RPH3A: variants seen among roughly 807,000 people sequenced by gnomAD.
RPH3A encodes rabphilin-3A.
A neutral mutation model predicts 102.2 loss-of-function variants in RPH3A; 48 were observed. That is an observed-to-expected ratio of 0.47 (90% confidence interval 0.37 to 0.60). The LOEUF (loss-of-function observed/expected upper bound fraction) is 0.60. RPH3A is among the 20% of genes least tolerant of loss of function. The pLI is 0.00. For missense variants in RPH3A, 781 were observed against 910.1 expected, an observed-to-expected ratio of 0.86 and a Z score of 1.83; for synonymous variants, 310 against 324.3, an observed-to-expected ratio of 0.96 and a Z score of 0.47.
intron 1 of RPH3A, among the ~76,000 whole-genome samples, chr12:112,603,994 A>T (rs916622103): frequency 6.6e-6 from 1 of 152,230 alleles, no homozygotes; most frequent in Non-Finnish European, 1.5e-5. Context: ...TTCTCTTGGC[A>T]ATTGCTGGCC....
At position 112,831,880 on chromosome 12, in the gene RPH3A, A is replaced by G. The variant is rs1243866244; in HGVS notation, c.71+3491A>G. On this transcript the variant is annotated intron_variant, in intron 3 of 21. Transcript: ENST00000389385. ...TAAGCCCTTCTTTTTGATGTTCTGT[A>G]GTATGATGTGCTTAAGTGTGTATTT... The G allele has an allele frequency of 8.8e-6, 4 of 455,096 alleles. No homozygotes were observed. The East Asian group carries it at 2.8e-4, about 32-fold the overall frequency. 28.2% of individuals were successfully genotyped at this position (455,096 alleles called of 1,614,324 possible). A position where few individuals can be genotyped will look rare whatever the true frequency, so the allele number is the denominator to read the frequency against.
rs569677309 is a variant in RPH3A at position 112,843,140 on chromosome 12, C to G, written c.84-4556C>G. ...GAGCTGCCATCCTGTATCCAGAAGC[C>G]CTTGGCAAGGGTCTTATCCCAAGGA... is the stretch of plus-strand genomic sequence containing the variant. On this transcript the variant is annotated intron_variant, in intron 4 of 21. Coordinates refer to ENST00000389385, the MANE Select transcript of RPH3A (RefSeq NM_001143854.2). Among the ~76,000 whole-genome samples the G allele has an allele frequency of 2.8e-3, 419 of 152,288 alleles. 2 individuals carry two copies. The highest frequency in any genetic ancestry group is 3.4e-3 in the Middle Eastern group (1 of 294).
chr12:112,597,746 G>T (rs17824032), intron 1 of RPH3A, among the ~76,000 whole-genome samples: 47,197 of 152,044 alleles, frequency 0.31, 8,367 homozygotes, highest in Non-Finnish European at 0.39. Flanking sequence ...ATGAACATCT[G>T]GTTGCCCTCT....
intron 2 of RPH3A, among the ~76,000 whole-genome samples, chr12:112,819,188 C>T (rs956634706): frequency 6.6e-6 from 1 of 152,070 alleles, no homozygotes; most frequent in African/African-American, 2.4e-5. Context: ...TCACTGCAAC[C>T]TCCACCTCCT....
chr12:112,612,669 A>AT (rs1310288398), intron 1 of RPH3A, among the ~76,000 whole-genome samples: 12 of 146,144 alleles, frequency 8.2e-5, no homozygotes, highest in Admixed American at 5.7e-4. Flanking sequence ...GGCTCAAGTG[A>AT]TCCCCCTGCC....
intron 1 of RPH3A, among the ~76,000 whole-genome samples, chr12:112,654,209 T>C (rs990835779): frequency 3.9e-5 from 6 of 152,222 alleles, no homozygotes; most frequent in Admixed American, 6.5e-5. Flanking sequence ...TTTGTCATCA[T>C]AGATGTGCTT....
In RPH3A at chr12:112,607,650, C is replaced by T. The variant is rs372912116; in HGVS notation, c.-140+32331C>T. ...TCTGAAGGGTTTCCAGCAAGTTATGCGGCCCTTGAGGGAATACTTGTTCTG... is the reference window on the plus strand; with the variant it reads ...TCTGAAGGGTTTCCAGCAAGTTATGTGGCCCTTGAGGGAATACTTGTTCTG... On this transcript the variant is annotated intron_variant, in intron 1 of 21. Coordinates refer to the RPH3A transcript ENST00000543106. Among the ~76,000 whole-genome samples, 15 of 152,306 alleles carry T rather than the reference C, an allele frequency of 9.8e-5. No individual in the cohort carries two copies. The South Asian group carries it at 1.2e-3, about 13-fold the overall frequency.
chr12:112,827,606 A>C (rs1296550698), intron 2 of RPH3A, among the ~76,000 whole-genome samples: 1 of 152,212 alleles, frequency 6.6e-6, no homozygotes, highest in Non-Finnish European at 1.5e-5. Flanking sequence ...ATGCAGGCTG[A>C]AAGGAGTAGG....
intron 1 of RPH3A, among the ~76,000 whole-genome samples, chr12:112,653,740 T>C (rs1592927351): frequency 1.3e-5 from 2 of 152,288 alleles, no homozygotes; most frequent in Middle Eastern, 3.4e-3. Flanking sequence ...TAGTGCCCAA[T>C]AGTTATCTTT....
chr12:112,865,304 C>T lies in RPH3A; in HGVS notation c.231-110C>T, dbSNP rs2042590144. The T allele has an allele frequency of 1.2e-5, 16 of 1,288,154 alleles. No homozygotes were observed. In the South Asian group the frequency reaches 2.3e-4, roughly 18 times the overall value. The allele number at this position is 1,288,154 out of a possible 1,614,324, so 79.8% of individuals were successfully genotyped here. A position where few individuals can be genotyped will look rare whatever the true frequency, so the allele number is the denominator to read the frequency against. ...AAGAGTTCACAACTGTCATCAGACGCACAACAGCGTATGACTCAAAGAAGG... is the reference window on the plus strand; with the variant it reads ...AAGAGTTCACAACTGTCATCAGACGTACAACAGCGTATGACTCAAAGAAGG... On this transcript the variant is annotated intron_variant, in intron 5 of 21. Coordinates refer to ENST00000389385, the MANE Select transcript of RPH3A (RefSeq NM_001143854.2).
At chr12:112,649,285 C>A (rs1387332839) in intron 1 of RPH3A, 1 of 152,182 alleles carries the variant, frequency 6.6e-6, no homozygotes, top group Non-Finnish European at 1.5e-5. Flanking sequence ...CTATTTTGTG[C>A]CCTGGCACAT....
chr12:112,662,068 T>G (rs1227457530), intron 1 of RPH3A, among the ~76,000 whole-genome samples: 1 of 152,208 alleles, frequency 6.6e-6, no homozygotes, highest in East Asian at 1.9e-4. Context: ...GACAAAATGC[T>G]GAAAGTCATT....
Position 112,678,277 on chromosome 12 carries a change from GAA to G in RPH3A, c.-140+102960_-140+102961del, listed in dbSNP as rs1217762500. 2.6e-3 allele frequency among the ~76,000 whole-genome samples: 199 copies of G among 76,466 alleles called. 10 individuals are homozygous for G. The highest frequency in any genetic ancestry group is 0.01 in the African/African-American group (159 of 15,854). The allele number at this position is 76,466 out of a possible 152,430, so 50.2% of individuals were successfully genotyped here. On this transcript the variant is annotated intron_variant, in intron 1 of 21. Transcript: ENST00000543106. The stretch of plus-strand genomic sequence containing the variant: ...AGAAAGAAAGAAAGAAAGAAAGAAA[GAA>G]AGAAAGAAAGAAAGAAAGAAAGAAA...
chr12:112,643,148 A>G (rs1479656929), intron 1 of RPH3A, among the ~76,000 whole-genome samples: 2 of 152,222 alleles, frequency 1.3e-5, no homozygotes, highest in Non-Finnish European at 2.9e-5. Context: ...ATTTGAATCT[A>G]GGCAGCCTGG....
At position 112,860,353 on chromosome 12, in the gene RPH3A, A is replaced by G. The variant is rs577785307; in HGVS notation, c.231-5061A>G. 7.9e-5 allele frequency among the ~76,000 whole-genome samples: 12 copies of G among 152,322 alleles called. No individual in the cohort carries two copies. In the East Asian group the frequency reaches 1.7e-3, roughly 22 times the overall value. On this transcript the variant is annotated intron_variant, in intron 5 of 21. Transcript: ENST00000389385. ...ATAATGAGGGTCCCTGAGCTGAGAC[A>G]TCTGAGTAATGATCTTAATTCTGTT...
intron 4 of RPH3A, chr12:112,837,829 C>A (rs1277328151): frequency 8.8e-6 from 4 of 455,764 alleles, no homozygotes; most frequent in Non-Finnish European, 1.3e-5. Context: ...TCATCCTCTT[C>A]CCCTCTGTCC....
rs11447068 is a variant in RPH3A, at chr12:112,841,173, T to TAAAAAAAAAAAAAA, written c.83+4679_83+4692dup. On this transcript the variant is annotated intron_variant, in intron 4 of 21. Coordinates refer to ENST00000389385, the MANE Select transcript of RPH3A (RefSeq NM_001143854.2). ...GGCAACATAACAAGACCTTGTTTCT[T>TAAAAAAAAAAAAAA]AAAAAAAAAAAAAAAAAAAAAGCCT... Among the ~76,000 whole-genome samples, 10 of 33,356 alleles carry TAAAAAAAAAAAAAA rather than the reference T, an allele frequency of 3.0e-4. 1 individual carries two copies. Among genetic ancestry groups the TAAAAAAAAAAAAAA allele is most frequent in the African/African-American group, 1.1e-3 (8 of 7,218 alleles). 21.9% of individuals were successfully genotyped at this position (33,356 alleles called of 152,430 possible).
At chr12:112,655,108 C>A (rs1382259455) in intron 1 of RPH3A, among the ~76,000 whole-genome samples, 1 of 152,228 alleles carries the variant, frequency 6.6e-6, no homozygotes, top group South Asian at 2.1e-4. Flanking sequence ...CAAAGGGTTT[C>A]ATTTTGTAGC....
chr12:112,859,502 C>T (rs988122627), intron 5 of RPH3A, among the ~76,000 whole-genome samples: 2 of 152,172 alleles, frequency 1.3e-5, no homozygotes, highest in African/African-American at 2.4e-5. Flanking sequence ...TGGTGATTAT[C>T]GCTGTGAATA....
Sources: allele counts gnomAD v4.1 joint callset (sites outside exome capture counted in the v4.1 genomes callset), GRCh38; gene constraint gnomAD v4.1.1; transcripts MANE v1.5; gene names NCBI Gene and HGNC (gene_info 2026-07-23, HGNC 2026-07-21).